Variants in HNF4A observed in about 807,000 individuals in gnomAD.
HNF4A encodes hepatocyte nuclear factor 4-alpha.
Under a neutral mutation model 52.4 loss-of-function variants are expected in HNF4A, and 15 were observed. The observed-to-expected ratio is 0.29, with a 90% CI of 0.19 to 0.44. The LOEUF is 0.44. HNF4A is among the 20% of genes least tolerant of loss of function. The probability of loss-of-function intolerance (pLI) is 1.00; values close to 1 mark genes in which losing one functional copy is unlikely to be tolerated. For synonymous variants in HNF4A, 280 were observed against 264.4 expected (o/e 1.06, Z -0.57); for missense variants, 479 against 647.2 (o/e 0.74, Z 2.82).
intron 1 of HNF4A, among the ~76,000 whole-genome samples, chr20:44,365,990 C>G (rs11696615): frequency 0.21 from 32,067 of 152,046 alleles, 3,842 homozygotes; most frequent in Middle Eastern, 0.3. Context: ...CTGGGTGACA[C>G]AGCGTAATCC....
intron 1 of HNF4A, among the ~76,000 whole-genome samples, chr20:44,366,407 G>A (rs1203198627): frequency 6.6e-6 from 1 of 152,106 alleles, no homozygotes; most frequent in African/African-American, 2.4e-5. Flanking sequence ...GATCACTTGA[G>A]GTCAGGAGTT....
chr20:44,383,622 G>C (rs1009443641), intron 1 of HNF4A, among the ~76,000 whole-genome samples: 3 of 149,976 alleles, frequency 2.0e-5, no homozygotes, highest in Admixed American at 6.7e-5. Flanking sequence ...TACAATCTCA[G>C]CTCACTGCAA....
intron 4 of HNF4A, 30 bp from the exon 5 acceptor site, chr20:44,414,477 C>T: frequency 6.2e-7 from 1 of 1,614,166 alleles, no homozygotes. Flanking sequence ...CCGGACATCT[C>T]CAGCATTTTC....
chr20:44,395,267 C>T lies in HNF4A; in HGVS notation c.50-10791C>T, dbSNP rs148232346. On this transcript the variant is annotated intron_variant, in intron 1 of 9. Transcript: ENST00000316673. Reference sequence around the variant, plus strand: ...AGTCTATGGTTCAGTCTGTGGCCAGCTGCCACTCCCCTGACGGCCTCAGTG... The same window carrying T: ...AGTCTATGGTTCAGTCTGTGGCCAGTTGCCACTCCCCTGACGGCCTCAGTG... 6.6e-3 allele frequency among the ~76,000 whole-genome samples: 1,012 copies of T among 152,376 alleles called. 8 individuals are homozygous for T. The highest frequency in any genetic ancestry group is 0.023 in the African/African-American group (963 of 41,580).
At chr20:44,358,176 A>C (rs2062878409) in intron 1 of HNF4A, among the ~76,000 whole-genome samples, 1 of 150,118 alleles carries the variant, frequency 6.7e-6, no homozygotes, top group African/African-American at 2.5e-5. Flanking sequence ...TGTGAGTCAA[A>C]TCATTACCCC....
chr20:44,388,543 C>G (rs1225848126), intron 1 of HNF4A, among the ~76,000 whole-genome samples: 1 of 152,054 alleles, frequency 6.6e-6, no homozygotes, highest in Non-Finnish European at 1.5e-5. Context: ...GTAACTAAAT[C>G]CAACGAGCTG....
chr20:44,378,246 T>A (rs2146234934), intron 1 of HNF4A, among the ~76,000 whole-genome samples: 1 of 151,902 alleles, frequency 6.6e-6, no homozygotes, highest in South Asian at 2.1e-4. Flanking sequence ...TTTTTAGCAC[T>A]CTTAGAAACA....
chr20:44,399,014 G>T (rs1007361124), upstream of HNF4A, among the ~76,000 whole-genome samples: 4 of 152,218 alleles, frequency 2.6e-5, no homozygotes, highest in African/African-American at 9.6e-5. Flanking sequence ...GGTGGCAGAG[G>T]CCTGGGCTCA....
intron 1 of HNF4A, among the ~76,000 whole-genome samples, chr20:44,360,955 C>T (rs1446064956): frequency 6.6e-6 from 1 of 152,188 alleles, no homozygotes; most frequent in Non-Finnish European, 1.5e-5. Flanking sequence ...GAAGCTATAA[C>T]AAACATGCCG....
At chr20:44,383,331 T>C (rs557848464) in intron 1 of HNF4A, among the ~76,000 whole-genome samples, 1 of 152,272 alleles carries the variant, frequency 6.6e-6, no homozygotes, top group South Asian at 2.1e-4. Context: ...TACACATCAT[T>C]ATGGTCACTA....
chr20:44,397,637 T>C (rs2063365486), upstream of HNF4A, among the ~76,000 whole-genome samples: 1 of 152,140 alleles, frequency 6.6e-6, no homozygotes, highest in Non-Finnish European at 1.5e-5. Flanking sequence ...CATTCTTTTT[T>C]TTTTTTTAGA....
In HNF4A at chr20:44,406,246, A is replaced by AT. The variant is rs371937621; in HGVS notation, c.290+17dup. The AT allele has an allele frequency of 1.6e-3, 2,519 of 1,611,492 alleles. 9 individuals carry two copies. Among genetic ancestry groups the AT allele is most frequent in the Middle Eastern group, 0.012 (68 of 5,780 alleles). On this transcript the variant is annotated intron_variant, in intron 2 of 9. Transcript: ENST00000316099. ...GTACTCCTGCAGGTGAGGAGCCTCA[A>AT]TTTCTTCAGCTGGGAAATGGGCACA...
At chr20:44,415,788 C>T (rs910045502) in intron 5 of HNF4A, among the ~76,000 whole-genome samples, 3 of 152,146 alleles carry the variant, frequency 2.0e-5, no homozygotes, top group Non-Finnish European at 4.4e-5. Flanking sequence ...GCTGGTTTGG[C>T]TTGTCCCCAG....
intron 1 of HNF4A, among the ~76,000 whole-genome samples, chr20:44,389,136 C>A (rs2063271177): frequency 6.6e-6 from 1 of 152,228 alleles, no homozygotes; most frequent in East Asian, 1.9e-4. Flanking sequence ...AGTGGCATCT[C>A]ATTGGAGCTA....
At chr20:44,361,641 G>A (rs1233905822) in intron 1 of HNF4A, among the ~76,000 whole-genome samples, 1 of 151,992 alleles carries the variant, frequency 6.6e-6, no homozygotes, top group East Asian at 1.9e-4. Context: ...TCACGCCACT[G>A]CACTCTAGCC....
At chr20:44,402,773 C>T (rs2063429661) in intron 1 of HNF4A, 2 of 401,910 alleles carry the variant, frequency 5.0e-6, no homozygotes, top group Non-Finnish European at 9.7e-6. Flanking sequence ...CCTTCTGTGT[C>T]TTGGAGCCAC....
At chr20:44,414,727 C>T in intron 5 of HNF4A, 65 bp downstream of exon 5, 1 of 1,480,508 alleles carries the variant, frequency 6.8e-7, no homozygotes. Context: ...GGGCTGCTGG[C>T]CCACCTGGGA....
chr20:44,384,492 A>G (rs1407831922), intron 1 of HNF4A: 1 of 152,144 alleles, frequency 6.6e-6, no homozygotes, highest in Non-Finnish European at 1.5e-5. Flanking sequence ...CCTAAGTCTC[A>G]ATGGTTTGAA....
chr20:44,392,847 G>C (rs1048776480), intron 1 of HNF4A, among the ~76,000 whole-genome samples: 5 of 152,140 alleles, frequency 3.3e-5, no homozygotes, highest in African/African-American at 1.2e-4. Context: ...TAAGAAAAAG[G>C]CACCCCACTC....
Sources: gnomAD v4.1 joint callset for allele counts (sites outside exome capture counted in the v4.1 genomes callset) on GRCh38, gnomAD v4.1.1 for gene constraint, MANE v1.5 for transcripts, NCBI Gene and HGNC (gene_info 2026-07-23, HGNC 2026-07-21) for gene names.